Variants in PTK2 observed in about 807,000 individuals in gnomAD.
PTK2 encodes protein tyrosine kinase 2.
A neutral mutation model predicts 150.1 loss-of-function variants in PTK2; 45 were observed. The observed-to-expected ratio is 0.30, with a 90% CI of 0.24 to 0.38. PTK2 has a LOEUF of 0.38. PTK2 is among the 10% of genes least tolerant of loss of function. PTK2 has a pLI of 1.00. For missense variants in PTK2, 919 were observed against 1,307.3 expected, an observed-to-expected ratio of 0.70 and a Z score of 4.58; for synonymous variants, 432 against 449.2, an observed-to-expected ratio of 0.96 and a Z score of 0.48.
chr8:140,972,862 A>C (rs1588140627), intron 1 of PTK2, among the ~76,000 whole-genome samples: 1 of 149,276 alleles, frequency 6.7e-6, no homozygotes, highest in Admixed American at 6.8e-5. Flanking sequence ...GACAAATTTC[A>C]CCCTATGGAT....
At chr8:140,980,393 G>A (rs1195335619) in intron 1 of PTK2, among the ~76,000 whole-genome samples, 1 of 152,064 alleles carries the variant, frequency 6.6e-6, no homozygotes, top group Non-Finnish European at 1.5e-5. Context: ...CGAAGCAGGC[G>A]GATTGGATCA....
chr8:140,876,284 C>T (rs1457870673), intron 4 of PTK2, among the ~76,000 whole-genome samples: 3 of 152,066 alleles, frequency 2.0e-5, no homozygotes, highest in Non-Finnish European at 2.9e-5. Flanking sequence ...GTGGCAAATC[C>T]TCTAAGGAAA....
intron 10 of PTK2, among the ~76,000 whole-genome samples, chr8:140,816,898 T>G (rs1199778883): frequency 6.6e-6 from 1 of 152,248 alleles, no homozygotes; most frequent in African/African-American, 2.4e-5. Flanking sequence ...ACAGCTTCTT[T>G]TAAAATTACA....
intron 28 of PTK2, 67 bp downstream of exon 31, chr8:140,675,393 A>C (rs374590350): frequency 1.6e-4 from 249 of 1,527,882 alleles, no homozygotes; most frequent in African/African-American, 8.0e-4. Flanking sequence ...ACGACACTAT[A>C]TACATTCAAA....
Position 140,674,245 on chromosome 8 carries a change from G to A in PTK2, c.2709+53C>T, listed in dbSNP as rs778323062. The A allele has an allele frequency of 4.7e-6, 7 of 1,491,946 alleles. No homozygotes were observed. In the African/African-American group the frequency reaches 8.3e-5, roughly 18 times the overall value. The allele number at this position is 1,491,946 out of a possible 1,614,324, so 92.4% of individuals were successfully genotyped here. ...CATGAACACATCAACTGAGAACTAG[G>A]GGACACCACAAATCCTGCAAGCAGA... On this transcript the variant is annotated intron_variant, in intron 29 of 31. Transcript: ENST00000522684.
At chr8:140,780,580 G>A (rs1372607744) in intron 14 of PTK2, among the ~76,000 whole-genome samples, 1 of 152,174 alleles carries the variant, frequency 6.6e-6, no homozygotes, top group Non-Finnish European at 1.5e-5. Context: ...CAGAGTAATT[G>A]CAACTAGTAA....
intron 16 of PTK2, among the ~76,000 whole-genome samples, chr8:140,760,257 T>C (rs2100068645): frequency 1.3e-5 from 2 of 151,976 alleles, no homozygotes; most frequent in South Asian, 4.1e-4. Flanking sequence ...TATATATATA[T>C]ATCCACAGAA....
intron 16 of PTK2, among the ~76,000 whole-genome samples, chr8:140,758,064 C>T (rs2100066922): frequency 6.6e-6 from 1 of 152,040 alleles, no homozygotes; most frequent in South Asian, 2.1e-4. Flanking sequence ...ATATACTACA[C>T]TTTTAATTGT....
At chr8:140,925,213 G>A (rs372783326) in intron 2 of PTK2, among the ~76,000 whole-genome samples, 4 of 151,866 alleles carry the variant, frequency 2.6e-5, no homozygotes, top group East Asian at 1.9e-4. Context: ...GTCAACAGGA[G>A]GAATGTAAAA....
chr8:140,943,501 G>A (rs559484874), intron 1 of PTK2, among the ~76,000 whole-genome samples: 5 of 152,336 alleles, frequency 3.3e-5, no homozygotes, highest in African/African-American at 1.2e-4. Flanking sequence ...TATTTGAGCT[G>A]TCTCCAGTGA....
At chr8:140,690,196 C>T (rs1402377699) in intron 26 of PTK2, among the ~76,000 whole-genome samples, 3 of 152,156 alleles carry the variant, frequency 2.0e-5, no homozygotes, top group African/African-American at 7.2e-5. Flanking sequence ...TCATGATCTG[C>T]CCGCCTCGGC....
intron 16 of PTK2, among the ~76,000 whole-genome samples, chr8:140,755,087 GT>G (rs1565713812): frequency 1.3e-5 from 2 of 152,096 alleles, no homozygotes; most frequent in Non-Finnish European, 2.9e-5. Flanking sequence ...GCTAGTAGAC[GT>G]TTAAAATATC....
chr8:140,879,676 G>GAAAAAAAA, intron 3 of PTK2, 39 bp from the exon 4 acceptor site: 19 of 34,594 alleles, frequency 5.5e-4, no homozygotes, highest in African/African-American at 1.4e-3. Context: ...GTTATAAACT[G>GAAAAAAAA]AAAAAAAAAA....
chr8:140,946,342 C>T (rs778999801), intron 1 of PTK2, among the ~76,000 whole-genome samples: 51 of 151,942 alleles, frequency 3.4e-4, no homozygotes, highest in Non-Finnish European at 5.9e-4. Flanking sequence ...TAATTAAAAA[C>T]GAAAATACGG....
intron 7 of PTK2, among the ~76,000 whole-genome samples, chr8:140,842,907 T>C (rs1300676735): frequency 3.9e-5 from 6 of 152,180 alleles, no homozygotes; most frequent in East Asian, 1.9e-4. Flanking sequence ...CAACTTTCCA[T>C]GCAATCCTCT....
intron 1 of PTK2, chr8:140,940,420 G>T (rs534223071): frequency 2.0e-5 from 3 of 152,266 alleles, no homozygotes; most frequent in South Asian, 2.1e-4. Context: ...CTGCACTCCA[G>T]TCTGGGTGAC....
chr8:140,896,791 G>GGGGA (rs2100156430), intron 2 of PTK2, among the ~76,000 whole-genome samples: 1 of 118,326 alleles, frequency 8.5e-6, no homozygotes, highest in Admixed American at 7.9e-5. Flanking sequence ...AAAAAAACGG[G>GGGGA]GGGGGGGGGT....
At chr8:140,730,159 T>C (rs1237159738) in intron 22 of PTK2, among the ~76,000 whole-genome samples, 2 of 90,868 alleles carry the variant, frequency 2.2e-5, no homozygotes, top group African/African-American at 1.5e-4. Flanking sequence ...CTTTCCAAGG[T>C]GATACTTGAG....
intron 8 of PTK2, among the ~76,000 whole-genome samples, chr8:140,827,078 G>A (rs991462178): frequency 2.6e-5 from 4 of 151,932 alleles, no homozygotes; most frequent in African/African-American, 9.7e-5. Flanking sequence ...TGTGCTCCAT[G>A]TTGCTGTCAA....
Sources: gnomAD v4.1 joint callset for allele counts (sites outside exome capture counted in the v4.1 genomes callset) on GRCh38, gnomAD v4.1.1 for gene constraint, MANE v1.5 for transcripts, NCBI Gene and HGNC (gene_info 2026-07-23, HGNC 2026-07-21) for gene names.